SH3D19: variants seen among roughly 807,000 people sequenced by gnomAD.
SH3D19 encodes SH3 domain containing 19.
A neutral mutation model predicts 112.1 loss-of-function variants in SH3D19; 58 were observed. The ratio of observed to expected loss-of-function variants is 0.52; its 90% CI spans 0.42 to 0.64. The LOEUF (loss-of-function observed/expected upper bound fraction) is 0.64, where lower values mean the gene tolerates loss of function less well. Ranked by LOEUF, SH3D19 falls within the 30% of genes least tolerant of loss-of-function variation. SH3D19 has a pLI of 0.00. For synonymous variants in SH3D19, 391 were observed against 448.5 expected (o/e 0.87, Z 1.62); for missense variants, 1,090 against 1,263.4 (o/e 0.86, Z 2.08).
chr4:151,178,151 C>T (rs1391652397), intron 4 of SH3D19, among the ~76,000 whole-genome samples: 1 of 151,734 alleles, frequency 6.6e-6, no homozygotes, highest in Non-Finnish European at 1.5e-5. Flanking sequence ...CAGCCTCAAG[C>T]AATCCTTCCA....
chr4:151,130,078 GC>G (rs1051034486), intron 17 of SH3D19, among the ~76,000 whole-genome samples: 1 of 152,114 alleles, frequency 6.6e-6, no homozygotes, highest in Non-Finnish European at 1.5e-5. Context: ...GGACACACAG[GC>G]CAATTACAAG....
chr4:151,275,848 ATTTTTT>A (rs370367821), intron 1 of SH3D19, among the ~76,000 whole-genome samples: 11 of 135,200 alleles, frequency 8.1e-5, no homozygotes, highest in South Asian at 2.3e-4. Context: ...TATTATTATT[ATTTTTT>A]TTTTTTTAGA....
At chr4:151,202,364 C>A (rs1164556853) in intron 2 of SH3D19, among the ~76,000 whole-genome samples, 1 of 152,138 alleles carries the variant, frequency 6.6e-6, no homozygotes, top group Non-Finnish European at 1.5e-5. Context: ...TTCTTAGTGG[C>A]AAGACTATGC....
chr4:151,292,010 A>G (rs1775375666), intron 1 of SH3D19, among the ~76,000 whole-genome samples: 1 of 152,228 alleles, frequency 6.6e-6, no homozygotes, highest in African/African-American at 2.4e-5. Context: ...GAAGAAAAAA[A>G]AAGAGATGCA....
intron 1 of SH3D19, among the ~76,000 whole-genome samples, chr4:151,292,279 A>G (rs559448141): frequency 1.3e-5 from 2 of 152,260 alleles, no homozygotes; most frequent in Admixed American, 1.3e-4. Flanking sequence ...AGACTGGGCA[A>G]CAGAGCAAGA....
At chr4:151,219,762 C>T (rs1397244816) in intron 2 of SH3D19, among the ~76,000 whole-genome samples, 1 of 152,208 alleles carries the variant, frequency 6.6e-6, no homozygotes, top group African/African-American at 2.4e-5. Context: ...CATGACTTCC[C>T]TTTTCACATG....
At chr4:151,251,829 G>A (rs1318422735) in intron 1 of SH3D19, among the ~76,000 whole-genome samples, 2 of 152,086 alleles carry the variant, frequency 1.3e-5, no homozygotes, top group Non-Finnish European at 2.9e-5. Flanking sequence ...CAGCTGCCCC[G>A]CAGTCACACT....
chr4:151,166,968 T>C lies in SH3D19; in HGVS notation c.1535-1272A>G, dbSNP rs191267312. Among the ~76,000 whole-genome samples, 24 of 152,292 alleles carry C rather than the reference T, an allele frequency of 1.6e-4. No individual in the cohort carries two copies. In the East Asian group the frequency reaches 3.1e-3, roughly 20 times the overall value. ...AGTAACAGTGCTGGGTGGGGAAATATGATGGTAAAGTACAATCCTATTTTA... is the reference window on the plus strand; with the variant it reads ...AGTAACAGTGCTGGGTGGGGAAATACGATGGTAAAGTACAATCCTATTTTA... On this transcript the variant is annotated intron_variant, in intron 7 of 19. Coordinates refer to ENST00000604030, the MANE Select transcript of SH3D19 (RefSeq NM_001378122.1).
At chr4:151,314,126 A>T (rs897697671) in intron 1 of SH3D19, among the ~76,000 whole-genome samples, 1 of 151,956 alleles carries the variant, frequency 6.6e-6, no homozygotes, top group Non-Finnish European at 1.5e-5. Flanking sequence ...AAACAAATGA[A>T]CTCTCAGTCC....
At chr4:151,271,288 G>A (rs188362726) in intron 1 of SH3D19, among the ~76,000 whole-genome samples, 2 of 152,314 alleles carry the variant, frequency 1.3e-5, no homozygotes, top group African/African-American at 2.4e-5. Context: ...ATAGTAGACT[G>A]ATTGATGGGT....
chr4:151,282,789 A>C (rs1012638694), intron 1 of SH3D19, among the ~76,000 whole-genome samples: 2 of 152,176 alleles, frequency 1.3e-5, no homozygotes, highest in African/African-American at 4.8e-5. Flanking sequence ...ACAAGAACTG[A>C]TCTAGAAGCA....
intron 1 of SH3D19, among the ~76,000 whole-genome samples, chr4:151,237,581 C>A (rs72723787): frequency 1.3e-5 from 2 of 152,114 alleles, no homozygotes; most frequent in African/African-American, 4.8e-5. Flanking sequence ...AACAAACTGA[C>A]GTCTCTAAGC....
chr4:151,265,641 A>G (rs1413121259), intron 1 of SH3D19, among the ~76,000 whole-genome samples: 1 of 146,318 alleles, frequency 6.8e-6, no homozygotes, highest in Non-Finnish European at 1.5e-5. Flanking sequence ...TAGTGGCACA[A>G]TCTCAGCTCA....
rs1259905068 is a variant in SH3D19 at position 151,150,262 on chromosome 4, T to TATATAC, written c.1756-702_1756-701insGTATAT. On this transcript the variant is annotated intron_variant, in intron 9 of 19. Transcript: ENST00000604030. ...ACATATATATATATACACACATATA[T>TATATAC]ATACATATATATACACACACATATA... Among the ~76,000 whole-genome samples the TATATAC allele has an allele frequency of 5.3e-5, 7 of 132,658 alleles. No individual in the cohort carries two copies. The South Asian group carries it at 1.2e-3, about 22-fold the overall frequency. 87.0% of individuals were successfully genotyped at this position (132,658 alleles called of 152,430 possible). A position where few individuals can be genotyped will look rare whatever the true frequency, so the allele number is the denominator to read the frequency against.
intron 1 of SH3D19, among the ~76,000 whole-genome samples, chr4:151,324,535 G>A (rs1730859687): frequency 6.7e-6 from 1 of 150,318 alleles, no homozygotes; most frequent in South Asian, 2.1e-4. Context: ...CCGGAAGAGG[G>A]AAGGGGTGTG....
chr4:151,140,018 TGAA>T (rs1752703928), intron 12 of SH3D19, 171 bp from the exon 13 acceptor site: 2 of 560,956 alleles, frequency 3.6e-6, no homozygotes, highest in Non-Finnish European at 6.3e-6. Flanking sequence ...ATTATCAAGT[TGAA>T]GAAGAATGTG....
chr4:151,208,779 G>A (rs1039056605), intron 2 of SH3D19, among the ~76,000 whole-genome samples: 42 of 151,722 alleles, frequency 2.8e-4, no homozygotes, highest in African/African-American at 9.2e-4. Context: ...CTGGGTTCAC[G>A]CCATTCACCT....
intron 2 of SH3D19, among the ~76,000 whole-genome samples, chr4:151,211,286 A>G (rs1765927511): frequency 6.6e-6 from 1 of 151,788 alleles, no homozygotes; most frequent in African/African-American, 2.4e-5. Context: ...AAAAAAAAAA[A>G]GATAGTGAAC....
At chr4:151,197,417 T>C (rs1763640995) in intron 2 of SH3D19, among the ~76,000 whole-genome samples, 1 of 152,172 alleles carries the variant, frequency 6.6e-6, no homozygotes, top group Non-Finnish European at 1.5e-5. Context: ...GTGTCTAATA[T>C]CTACTGATGA....
Sources: allele counts gnomAD v4.1 joint callset (sites outside exome capture counted in the v4.1 genomes callset), GRCh38; gene constraint gnomAD v4.1.1; transcripts MANE v1.5; gene names NCBI Gene and HGNC (gene_info 2026-07-23, HGNC 2026-07-21).